The following STAG1 variants were observed in gnomAD, a reference collection of about 807,000 sequenced individuals.
STAG1 encodes the protein cohesin subunit SA-1.
A neutral mutation model predicts 170.9 loss-of-function variants in STAG1; 26 were observed. That is an observed-to-expected ratio of 0.15 (90% confidence interval 0.11 to 0.21). STAG1 has a LOEUF of 0.21. Among genes scored for constraint, STAG1 ranks in the 10% least tolerant of loss-of-function variants. The probability of loss-of-function intolerance (pLI) is 1.00; values close to 1 mark genes in which losing one functional copy is unlikely to be tolerated. For synonymous variants in STAG1, 514 were observed against 497.7 expected, an observed-to-expected ratio of 1.03 and a Z score of -0.44; for missense variants, 964 against 1,509.5, an observed-to-expected ratio of 0.64 and a Z score of 5.99.
At chr3:136,510,556 G>C (rs985351899) in intron 7 of STAG1, among the ~76,000 whole-genome samples, 31 of 151,472 alleles carry the variant, frequency 2.0e-4, no homozygotes, top group Admixed American at 1.7e-3. Flanking sequence ...CATTACAGGC[G>C]TGAGCCACTG....
At chr3:136,514,907 T>G (rs2107892960) in intron 7 of STAG1, among the ~76,000 whole-genome samples, 1 of 151,844 alleles carries the variant, frequency 6.6e-6, no homozygotes, top group African/African-American at 2.4e-5. Context: ...CACCAGGGCC[T>G]GTCGTGGGGT....
At chr3:136,605,759 T>C (rs1280724134) in intron 3 of STAG1, among the ~76,000 whole-genome samples, 4 of 152,238 alleles carry the variant, frequency 2.6e-5, no homozygotes, top group Admixed American at 2.6e-4. Context: ...CCCTGCTTTT[T>C]GACACTGAAG....
chr3:136,724,459 A>G (rs1285652155), intron 1 of STAG1, among the ~76,000 whole-genome samples: 1 of 151,820 alleles, frequency 6.6e-6, no homozygotes, highest in Non-Finnish European at 1.5e-5. Context: ...CAGGGACACA[A>G]ACACTGAGGA....
chr3:136,642,269 T>C (rs1940832894), intron 1 of STAG1, among the ~76,000 whole-genome samples: 3 of 57,598 alleles, frequency 5.2e-5, no homozygotes, highest in Admixed American at 2.5e-4. Context: ...AATTTCTTTT[T>C]TTTTTTTTTT....
intron 20 of STAG1, among the ~76,000 whole-genome samples, chr3:136,419,631 T>G (rs1251518066): frequency 1.3e-5 from 2 of 151,158 alleles, no homozygotes; most frequent in Admixed American, 6.6e-5. Context: ...GTGTTTTTTT[T>G]TTTTTTTTTT....
intron 1 of STAG1, among the ~76,000 whole-genome samples, chr3:136,661,158 C>CT (rs1189456641): frequency 6.6e-6 from 1 of 152,156 alleles, no homozygotes; most frequent in Non-Finnish European, 1.5e-5. Context: ...TCTAGAAGGC[C>CT]TAATGTTTGA....
chr3:136,594,082 T>C (rs1272684687), intron 4 of STAG1, among the ~76,000 whole-genome samples: 1 of 152,210 alleles, frequency 6.6e-6, no homozygotes, highest in Non-Finnish European at 1.5e-5. Flanking sequence ...AAAACACTTT[T>C]ATCCATTCTA....
At chr3:136,398,280 GC>G (rs1407339038) in intron 22 of STAG1, among the ~76,000 whole-genome samples, 2 of 152,140 alleles carry the variant, frequency 1.3e-5, no homozygotes, top group Non-Finnish European at 2.9e-5. Context: ...ACCATGCCCA[GC>G]TAATTTTTGT....
intron 9 of STAG1, among the ~76,000 whole-genome samples, chr3:136,489,354 G>A (rs575568394): frequency 1.3e-5 from 2 of 152,324 alleles, no homozygotes; most frequent in East Asian, 3.9e-4. Flanking sequence ...ATAACAAAAT[G>A]AGGTTGAACT....
At chr3:136,453,409 G>C (rs949767295) in intron 13 of STAG1, among the ~76,000 whole-genome samples, 1 of 152,014 alleles carries the variant, frequency 6.6e-6, no homozygotes, top group African/African-American at 2.4e-5. Flanking sequence ...GGCTCACACA[G>C]TGAAACCCCA....
At chr3:136,357,636 C>A (rs565137688) in intron 28 of STAG1, 84 bp downstream of exon 28, 7 of 1,048,860 alleles carry the variant, frequency 6.7e-6, no homozygotes, top group South Asian at 3.6e-5. Context: ...GTAAAGATAT[C>A]CAAATGATTA....
At chr3:136,722,681 C>A (rs375802252) in intron 1 of STAG1, among the ~76,000 whole-genome samples, 4 of 150,106 alleles carry the variant, frequency 2.7e-5, no homozygotes, top group East Asian at 2.0e-4. Flanking sequence ...CCCTCTCCCC[C>A]CTTTCCCTCT....
intron 3 of STAG1, among the ~76,000 whole-genome samples, chr3:136,613,332 A>G (rs1297719166): frequency 2.7e-5 from 4 of 150,738 alleles, no homozygotes; most frequent in Admixed American, 1.3e-4. Flanking sequence ...AAAAAAAAAA[A>G]AAAGAAATCA....
At chr3:136,712,163 G>A (rs111681309) in intron 1 of STAG1, among the ~76,000 whole-genome samples, 11,975 of 152,064 alleles carry the variant, frequency 0.079, 491 homozygotes, top group Non-Finnish European at 0.094. Context: ...GATTACAGGC[G>A]CACGCCACCA....
chr3:136,751,816 G>A (rs879727234), intron 1 of STAG1, among the ~76,000 whole-genome samples: 54 of 151,244 alleles, frequency 3.6e-4, no homozygotes, highest in African/African-American at 1.3e-3. Context: ...GGCGGGGGGG[G>A]GCGGAGGGCG....
chr3:136,697,959 T>C lies in STAG1; in HGVS notation c.-84+54236A>G, dbSNP rs1327113467. On this transcript the variant is annotated intron_variant, in intron 1 of 33. Transcript: ENST00000383202. ...GAAGTCAGATGTCCACAGCCATATT[T>C]TACTGTTTTCTTATGAAATACACAT... Among the ~76,000 whole-genome samples, 5 of 152,246 alleles carry C rather than the reference T, an allele frequency of 3.3e-5. No individual in the cohort carries two copies. The East Asian group carries it at 7.7e-4, about 23-fold the overall frequency.
intron 21 of STAG1, among the ~76,000 whole-genome samples, chr3:136,410,387 G>C (rs951511011): frequency 6.6e-6 from 1 of 151,996 alleles, no homozygotes; most frequent in African/African-American, 2.4e-5. Context: ...CTGGGCAACA[G>C]AGCAAGACTC....
intron 26 of STAG1, among the ~76,000 whole-genome samples, chr3:136,359,984 A>G (rs1171354398): frequency 2.0e-5 from 3 of 152,248 alleles, no homozygotes; most frequent in African/African-American, 7.2e-5. Context: ...TATATAAAAG[A>G]AGACCATTTA....
intron 9 of STAG1, among the ~76,000 whole-genome samples, chr3:136,497,682 A>C (rs562557545): frequency 6.6e-6 from 1 of 151,592 alleles, no homozygotes; most frequent in Admixed American, 6.6e-5. Context: ...CTAGTTAAAA[A>C]AAAAATAAAA....
Sources: gnomAD v4.1 joint callset for allele counts (sites outside exome capture counted in the v4.1 genomes callset) on GRCh38, gnomAD v4.1.1 for gene constraint, MANE v1.5 for transcripts, NCBI Gene and HGNC (gene_info 2026-07-23, HGNC 2026-07-21) for gene names.